Variants in DPY19L1 observed in about 807,000 individuals in gnomAD.
DPY19L1 encodes the protein protein C-mannosyl-transferase DPY19L1.
DPY19L1 carries 35 observed loss-of-function variants against 96.9 expected under a neutral mutation model. The ratio of observed to expected loss-of-function variants is 0.36; its 90% confidence interval spans 0.28 to 0.48. The LOEUF is 0.48. Ranked by LOEUF, DPY19L1 falls within the 20% of genes least tolerant of loss-of-function variation. The pLI, the probability that DPY19L1 is intolerant of heterozygous loss-of-function variation, is 0.99. For synonymous variants in DPY19L1, 205 were observed against 252.6 expected, an observed-to-expected ratio of 0.81 and a Z score of 1.79; for missense variants, 521 against 777.9, an observed-to-expected ratio of 0.67 and a Z score of 3.93.
intron 5 of DPY19L1, 126 bp from the exon 6 acceptor site, chr7:35,010,687 G>T: frequency 1.5e-6 from 1 of 687,596 alleles, no homozygotes; most frequent in Non-Finnish European, 2.5e-6. Flanking sequence ...AGCTGCCTTG[G>T]TTCCCACATG....
At chr7:34,946,781 C>T (rs1784156323) in intron 15 of DPY19L1, among the ~76,000 whole-genome samples, 1 of 152,208 alleles carries the variant, frequency 6.6e-6, no homozygotes, top group South Asian at 2.1e-4. Context: ...AGGCTCCTAA[C>T]AACATCTTTG....
chr7:34,972,340 T>C (rs556168838), intron 8 of DPY19L1, among the ~76,000 whole-genome samples: 2 of 152,312 alleles, frequency 1.3e-5, no homozygotes, highest in Admixed American at 6.5e-5. Flanking sequence ...CTACCTTCTA[T>C]GGTACAGATG....
At chr7:34,943,677 T>C (rs1784074193) in intron 16 of DPY19L1, among the ~76,000 whole-genome samples, 2 of 152,336 alleles carry the variant, frequency 1.3e-5, no homozygotes, top group Admixed American at 1.3e-4. Context: ...CTATTTGAAC[T>C]GACAACTCCA....
At chr7:35,010,823 G>T (rs756018916) in intron 5 of DPY19L1, among the ~76,000 whole-genome samples, 1 of 152,056 alleles carries the variant, frequency 6.6e-6, no homozygotes, top group Non-Finnish European at 1.5e-5. Flanking sequence ...CCCCATTTTT[G>T]AGTTTCATTG....
intron 5 of DPY19L1, 133 bp downstream of exon 5, chr7:35,011,197 C>T (rs774208820): frequency 7.7e-6 from 8 of 1,038,608 alleles, no homozygotes; most frequent in Non-Finnish European, 1.1e-5. Flanking sequence ...AAATTCTGGA[C>T]TTGCAGAATC....
At chr7:34,999,767 C>T (rs1020317700) in intron 6 of DPY19L1, among the ~76,000 whole-genome samples, 1 of 152,162 alleles carries the variant, frequency 6.6e-6, no homozygotes, top group African/African-American at 2.4e-5. Context: ...GCATACAGAA[C>T]ACCAAGGAAA....
At chr7:34,945,633 G>C (rs756045845) in intron 16 of DPY19L1, 34 bp downstream of exon 16, 31 of 1,421,952 alleles carry the variant, frequency 2.2e-5, no homozygotes, top group Admixed American at 1.3e-4. Flanking sequence ...TAAATGAACA[G>C]AGGAGGTAAT....
At chr7:34,954,261 G>C (rs1400914773) in intron 13 of DPY19L1, among the ~76,000 whole-genome samples, 2 of 151,828 alleles carry the variant, frequency 1.3e-5, no homozygotes, top group Admixed American at 6.6e-5. Context: ...AGACTCACTT[G>C]GATTACATTA....
At chr7:34,937,704 C>T (rs1163306612) in intron 21 of DPY19L1, among the ~76,000 whole-genome samples, 2 of 152,126 alleles carry the variant, frequency 1.3e-5, no homozygotes, top group Admixed American at 1.3e-4. Flanking sequence ...GAGGCCAAGG[C>T]AGGAGTAGCA....
intron 9 of DPY19L1, among the ~76,000 whole-genome samples, chr7:34,967,848 A>G (rs924407686): frequency 6.6e-6 from 1 of 152,212 alleles, no homozygotes; most frequent in Non-Finnish European, 1.5e-5. Flanking sequence ...GAAAAACAAC[A>G]AAGTTTCCCT....
At chr7:35,007,959 G>A (rs1372248328) in intron 6 of DPY19L1, among the ~76,000 whole-genome samples, 2 of 151,914 alleles carry the variant, frequency 1.3e-5, no homozygotes, top group Non-Finnish European at 2.9e-5. Context: ...TCATCATCCA[G>A]CACAACCTCT....
chr7:34,992,791 A>G (rs1785201443), intron 6 of DPY19L1, among the ~76,000 whole-genome samples: 1 of 151,676 alleles, frequency 6.6e-6, no homozygotes, highest in Admixed American at 6.6e-5. Context: ...CATCATTATT[A>G]TACTCTCTGT....
intron 13 of DPY19L1, among the ~76,000 whole-genome samples, chr7:34,953,236 C>T (rs1249447175): frequency 6.6e-6 from 1 of 152,106 alleles, no homozygotes; most frequent in Non-Finnish European, 1.5e-5. Flanking sequence ...ATCAACGTTA[C>T]GTATTTCTAA....
chr7:34,962,087 C>T (rs1784512508), intron 10 of DPY19L1, among the ~76,000 whole-genome samples: 3 of 152,192 alleles, frequency 2.0e-5, no homozygotes, highest in South Asian at 2.1e-4. Context: ...CCAAATATCA[C>T]TTTCCTTGGT....
At chr7:35,037,582 G>A (rs1786465084), upstream of DPY19L1, 2 of 285,404 alleles carry the variant, frequency 7.0e-6, no homozygotes, top group South Asian at 1.7e-4. Context: ...CTGCCTGGCT[G>A]GCAGTACCGC....
Position 34,934,309 on chromosome 7 carries a change from C to A in DPY19L1, c.2091-2580G>T, listed in dbSNP as rs543218868. Among the ~76,000 whole-genome samples, 12 of 152,270 alleles carry A rather than the reference C, an allele frequency of 7.9e-5. No homozygotes were observed. In the East Asian group the frequency reaches 2.3e-3, roughly 29 times the overall value. On this transcript the variant is annotated intron_variant, in intron 21 of 21. Coordinates refer to ENST00000638088, the MANE Select transcript of DPY19L1 (RefSeq NM_001366673.1). ...TCCCTCTGGAAAACCCTGGCAGATG[C>A]TCTTGAGTTGTTTTTACAAAAATGG...
Position 34,945,447 on chromosome 7 carries a change from T to C in DPY19L1, c.1544+220A>G, listed in dbSNP as rs576947247. Among the ~76,000 whole-genome samples the C allele has an allele frequency of 6.6e-5, 10 of 152,184 alleles. No individual in the cohort carries two copies. In the South Asian group the frequency reaches 2.1e-3, roughly 32 times the overall value. ...GTGTAGATTATGTGCAGGGCTACTGTCAGACTGTACTGGATAACATCTGAA... is the reference window on the plus strand; with the variant it reads ...GTGTAGATTATGTGCAGGGCTACTGCCAGACTGTACTGGATAACATCTGAA... On this transcript the variant is annotated intron_variant, in intron 16 of 21. Transcript: ENST00000638088.
Position 34,966,972 on chromosome 7 carries a change from C to A in DPY19L1, c.1015-1G>T. 6.6e-7 allele frequency: 1 copy of A among 1,516,676 alleles called. No individual in the cohort carries two copies. Among genetic ancestry groups the A allele is most frequent in the Non-Finnish European group, 8.8e-7 (1 of 1,134,582 alleles). The allele number at this position is 1,516,676 out of a possible 1,614,324, so 94.0% of individuals were successfully genotyped here. A position where few individuals can be genotyped will look rare whatever the true frequency, so the allele number is the denominator to read the frequency against. On this transcript the variant is annotated splice_acceptor_variant, in intron 9 of 21. Coordinates refer to ENST00000638088, the MANE Select transcript of DPY19L1 (RefSeq NM_001366673.1). LOFTEE classifies it high-confidence loss of function. ...CATATACTGCAAATAATGATGCAAT[C>A]TGAAATTTAAAAAGAAATTAGAAGT...
chr7:34,963,095 T>TA (rs202056559), intron 10 of DPY19L1, among the ~76,000 whole-genome samples: 4,241 of 148,880 alleles, frequency 0.028, 67 homozygotes, highest in Non-Finnish European at 0.045. Flanking sequence ...CTCGGAAGGC[T>TA]GAGGCAGGAG....
Sources: allele counts gnomAD v4.1 joint callset (sites outside exome capture counted in the v4.1 genomes callset), GRCh38; gene constraint gnomAD v4.1.1; transcripts MANE v1.5; gene names NCBI Gene and HGNC (gene_info 2026-07-23, HGNC 2026-07-21).